Variants in TWF1 observed in about 807,000 individuals in gnomAD.
TWF1 encodes the protein twinfilin-1.
TWF1 carries 14 observed loss-of-function variants against 47.9 expected under a neutral mutation model. The observed-to-expected ratio is 0.29, with a 90% CI of 0.19 to 0.46. The LOEUF (loss-of-function observed/expected upper bound fraction) is 0.46. TWF1 is among the 20% of genes least tolerant of loss of function. The pLI, the probability that TWF1 is intolerant of heterozygous loss-of-function variation, is 1.00. For synonymous variants in TWF1, 96 were observed against 139.2 expected (o/e 0.69, Z 2.18); for missense variants, 281 against 409.3 (o/e 0.69, Z 2.70).
chr12:43,797,146 C>T (rs1942567808), intron 7 of TWF1, 49 bp from the exon 8 acceptor site: 39 of 1,521,664 alleles, frequency 2.6e-5, no homozygotes, highest in Non-Finnish European at 3.3e-5. Context: ...AATACATAAA[C>T]TTCATAAAAC....
chr12:43,800,368 A>T, intron 4 of TWF1, 67 bp downstream of exon 4: 1 of 1,145,712 alleles, frequency 8.7e-7, no homozygotes, highest in African/African-American at 1.5e-5. Flanking sequence ...TCAATTACCC[A>T]TTACCTAGGA....
intron 1 of TWF1, 40 bp from the exon 2 acceptor site, chr12:43,804,612 C>A: frequency 1.5e-6 from 2 of 1,355,038 alleles, no homozygotes; most frequent in Non-Finnish European, 2.1e-6. Context: ...TTTATACTTA[C>A]ATATAAATAC....
At chr12:43,796,535 T>C (rs534836958) in intron 8 of TWF1, among the ~76,000 whole-genome samples, 1 of 152,242 alleles carries the variant, frequency 6.6e-6, no homozygotes, top group South Asian at 2.1e-4. Flanking sequence ...AACCATCCCA[T>C]AATTCAGTCA....
At chr12:43,799,348 G>T in intron 5 of TWF1, 50 bp downstream of exon 5, 2 of 1,209,696 alleles carry the variant, frequency 1.7e-6, no homozygotes, top group African/African-American at 1.5e-5. Context: ...TAAAAATACA[G>T]TATTTTCAAA....
At chr12:43,805,951 C>T (rs1157801471) in intron 1 of TWF1, 3 of 1,539,678 alleles carry the variant, frequency 1.9e-6, no homozygotes, top group Non-Finnish European at 2.6e-6. Context: ...CCCCCTTCAA[C>T]CAGGCCGCCT....
chr12:43,802,259 T>C, intron 3 of TWF1, 27 bp downstream of exon 3: 1 of 1,459,552 alleles, frequency 6.9e-7, no homozygotes, highest in Non-Finnish European at 9.1e-7. Flanking sequence ...CATTTAATGT[T>C]AAACAAACTA....
At chr12:43,802,259 TAAAC>T (rs1159383034) in intron 3 of TWF1, 23 bp downstream of exon 3, 2 of 1,459,552 alleles carry the variant, frequency 1.4e-6, no homozygotes, top group South Asian at 1.4e-5. Context: ...CATTTAATGT[TAAAC>T]AAACTATAAA....
chr12:43,797,157 T>C, intron 7 of TWF1, 60 bp from the exon 8 acceptor site: 2 of 1,511,160 alleles, frequency 1.3e-6, no homozygotes, highest in Non-Finnish European at 1.8e-6. Context: ...TTCATAAAAC[T>C]ACATATATAA....
At position 43,795,415 on chromosome 12, in the gene TWF1, A is replaced by G. The variant is rs1942531198; in HGVS notation, c.*170T>C. Reference sequence around the variant, plus strand: ...TAGCTTTAACTCAAAAATAGAAATCATGAGTCTTCTATAACATTAATTTTA... The same window carrying G: ...TAGCTTTAACTCAAAAATAGAAATCGTGAGTCTTCTATAACATTAATTTTA... On this transcript the variant is annotated 3_prime_UTR_variant, in exon 9 of 9. Coordinates refer to ENST00000395510, the MANE Select transcript of TWF1 (RefSeq NM_002822.5). The G allele has an allele frequency of 1.8e-6, 1 of 556,136 alleles. No individual in the cohort carries two copies. Among genetic ancestry groups the G allele is most frequent in the African/African-American group, 1.9e-5 (1 of 53,558 alleles). The allele number at this position is 556,136 out of a possible 1,614,324, so 34.5% of individuals were successfully genotyped here.
intron 5 of TWF1, chr12:43,798,436 A>G: frequency 1.3e-6 from 1 of 793,972 alleles, no homozygotes; most frequent in South Asian, 2.1e-5. Flanking sequence ...TAGCTAGTAG[A>G]GAGTCTCATT....
chr12:43,798,533 G>T (rs1192877133), intron 5 of TWF1: 4 of 1,488,590 alleles, frequency 2.7e-6, no homozygotes. Context: ...ATTGGTTAAT[G>T]AAAACATCAT....
In TWF1 at chr12:43,794,018, C is replaced by T. The variant is rs1405450239; in HGVS notation, c.*1567G>A. On this transcript the variant is annotated 3_prime_UTR_variant, in exon 9 of 9. Transcript: ENST00000395510. The stretch of plus-strand genomic sequence containing the variant: ...TAGTGGAATTTAGAGTATAATTGCA[C>T]ATAGATGGTACAGAAAAACATTCAC... The T allele has an allele frequency of 1.3e-5, 2 of 152,602 alleles. No individual in the cohort carries two copies. Among genetic ancestry groups the T allele is most frequent in the Admixed American group, 1.3e-4 (2 of 15,268 alleles). The allele number at this position is 152,602 out of a possible 1,614,324, so 9.5% of individuals were successfully genotyped here. A position where few individuals can be genotyped will look rare whatever the true frequency, so the allele number is the denominator to read the frequency against.
intron 2 of TWF1, among the ~76,000 whole-genome samples, chr12:43,803,239 C>CTTT (rs1942694393): frequency 6.6e-6 from 1 of 152,140 alleles, no homozygotes; most frequent in Admixed American, 6.5e-5. Context: ...AAGATGGTAT[C>CTTT]ATGCAGTTTA....
chr12:43,796,179 T>C (rs1157230834), intron 8 of TWF1, among the ~76,000 whole-genome samples: 2 of 152,172 alleles, frequency 1.3e-5, no homozygotes, highest in Non-Finnish European at 2.9e-5. Context: ...TTTTAAGGGT[T>C]GTTAAACAAC....
chr12:43,796,668 C>T (rs1271485946), intron 8 of TWF1, among the ~76,000 whole-genome samples: 1 of 152,020 alleles, frequency 6.6e-6, no homozygotes, highest in South Asian at 2.1e-4. Flanking sequence ...CTGCACTAAC[C>T]AATACGGTAG....
Position 43,800,538 on chromosome 12 carries a change from G to T in TWF1, c.283-8C>A. ...CAACATTTTTTGACGAACCTATTCA[G>T]TTGTGAAAGTTTACTTAGTTTATAG... is the stretch of plus-strand genomic sequence containing the variant. On this transcript the variant is annotated splice_region_variant and splice_polypyrimidine_tract_variant and intron_variant, in intron 3 of 8. Coordinates refer to ENST00000395510, the MANE Select transcript of TWF1 (RefSeq NM_002822.5). 2 of 1,604,248 alleles carry T rather than the reference G, an allele frequency of 1.2e-6. No individual in the cohort carries two copies. The highest frequency in any genetic ancestry group is 1.7e-5 in the Admixed American group (1 of 59,642).
rs754175239 is a variant in TWF1 at position 43,802,297 on chromosome 12, C to A, written c.271G>T (p.Asp91Tyr). ...YEWIFIAWSP[D>Y]HSHVRQKMLY... ...AAAAAGTTACTTACATGAGAATGAT[C>A]TGGAGACCATGCAATGAATATCCAT... Residue 91 changes from aspartate (D) to tyrosine (Y), a missense_variant, in exon 3 of 9, where the codon GAT becomes TAT. By Grantham distance (160) the Asp-to-Tyr change is radical. Transcript: ENST00000395510. The A allele has an allele frequency of 1.9e-5, 29 of 1,545,476 alleles. No individual in the cohort carries two copies. Among genetic ancestry groups the A allele is most frequent in the Non-Finnish European group, 2.3e-5 (27 of 1,152,076 alleles).
chr12:43,804,288 T>C, intron 2 of TWF1: 1 of 561,092 alleles, frequency 1.8e-6, no homozygotes, highest in Non-Finnish European at 3.3e-6. Context: ...AAAAAACATC[T>C]TTCTGTTTCC....
At chr12:43,797,135 C>CA in intron 7 of TWF1, 38 bp from the exon 8 acceptor site, 1 of 1,544,840 alleles carries the variant, frequency 6.5e-7, no homozygotes, top group Non-Finnish European at 8.8e-7. Context: ...ATTAGCATAT[C>CA]AATACATAAA....
Sources: allele counts gnomAD v4.1 joint callset (sites outside exome capture counted in the v4.1 genomes callset), GRCh38; gene constraint gnomAD v4.1.1; transcripts MANE v1.5; gene names NCBI Gene and HGNC (gene_info 2026-07-23, HGNC 2026-07-21).